CRACR2A: variants seen among roughly 807,000 people sequenced by gnomAD.
CRACR2A encodes the protein calcium release activated channel regulator 2A.
Under a neutral mutation model 90.5 loss-of-function variants are expected in CRACR2A, and 79 were observed. The observed-to-expected ratio is 0.87, with a 90% confidence interval of 0.73 to 1.05. The LOEUF (loss-of-function observed/expected upper bound fraction) is 1.05, where lower values mean the gene tolerates loss of function less well. Among genes scored for constraint, CRACR2A ranks in the 50% least tolerant of loss-of-function variants. The pLI, the probability that CRACR2A is intolerant of heterozygous loss-of-function variation, is 0.00. For synonymous variants in CRACR2A, 338 were observed against 356.7 expected, an observed-to-expected ratio of 0.95 and a Z score of 0.59; for missense variants, 823 against 897.2, an observed-to-expected ratio of 0.92 and a Z score of 1.06.
chr12:3,652,981 G>A (rs1944820843), intron 10 of CRACR2A, among the ~76,000 whole-genome samples: 1 of 152,036 alleles, frequency 6.6e-6, no homozygotes, highest in Non-Finnish European at 1.5e-5. Context: ...TGCTATACCA[G>A]GATAATTTTT....
chr12:3,657,388 C>T (rs1366179324), intron 8 of CRACR2A, among the ~76,000 whole-genome samples: 2 of 152,210 alleles, frequency 1.3e-5, no homozygotes, highest in East Asian at 1.9e-4. Flanking sequence ...AGGAGGACAG[C>T]GTGGGATGCT....
chr12:3,681,071 C>T (rs1945440482), intron 4 of CRACR2A, among the ~76,000 whole-genome samples: 1 of 148,354 alleles, frequency 6.7e-6, no homozygotes, highest in Non-Finnish European at 1.5e-5. Flanking sequence ...GGGTCACTTA[C>T]TTGAGGCCTC....
intron 15 of CRACR2A, 106 bp from the exon 16 acceptor site, chr12:3,627,812 T>A: frequency 8.4e-7 from 1 of 1,185,042 alleles, no homozygotes; most frequent in Non-Finnish European, 1.2e-6. Context: ...AGGCCCAAGG[T>A]GACAACCCTC....
At chr12:3,751,814 G>A (rs1490977583) in intron 1 of CRACR2A, among the ~76,000 whole-genome samples, 2 of 112,112 alleles carry the variant, frequency 1.8e-5, no homozygotes, top group Non-Finnish European at 3.9e-5. Context: ...GAACCGAGAG[G>A]TGACAGGACC....
rs1945991002 is a variant in CRACR2A at position 3,710,424 on chromosome 12, G to A, written c.-37+2813C>T. ...GCTGGAAGTCTGAGATCAGGTGCCA[G>A]CATGGTTGGGTTCTGGTGAGGGCCC... On this transcript the variant is annotated intron_variant, in intron 3 of 19. Transcript: ENST00000440314. 4.6e-5 allele frequency among the ~76,000 whole-genome samples: 7 copies of A among 152,274 alleles called. No individual in the cohort carries two copies. The South Asian group carries it at 1.5e-3, about 32-fold the overall frequency.
At chr12:3,735,076 TA>T (rs201859460) in intron 1 of CRACR2A, among the ~76,000 whole-genome samples, 12 of 133,570 alleles carry the variant, frequency 9.0e-5, no homozygotes, top group Admixed American at 5.7e-4. Flanking sequence ...ACTAACTTTA[TA>T]AAAAAAATTT....
intron 1 of CRACR2A, among the ~76,000 whole-genome samples, chr12:3,748,681 T>C (rs1159893503): frequency 6.6e-6 from 1 of 152,096 alleles, no homozygotes; most frequent in Admixed American, 6.6e-5. Flanking sequence ...TAACTCAGCC[T>C]TCAGAGAAAG....
chr12:3,693,462 A>ACTCCC (rs1945686284), intron 4 of CRACR2A, among the ~76,000 whole-genome samples: 1 of 152,212 alleles, frequency 6.6e-6, no homozygotes. Flanking sequence ...CTCCTGTGGG[A>ACTCCC]GTAAGTCGAG....
intron 14 of CRACR2A, 61 bp downstream of exon 14, chr12:3,638,063 C>T: frequency 1.4e-6 from 2 of 1,458,874 alleles, no homozygotes; most frequent in South Asian, 2.8e-5. Flanking sequence ...CGCTTGGCCT[C>T]AAATGCAAGA....
At chr12:3,744,355 C>T (rs1946576908) in intron 1 of CRACR2A, among the ~76,000 whole-genome samples, 1 of 152,206 alleles carries the variant, frequency 6.6e-6, no homozygotes, top group African/African-American at 2.4e-5. Context: ...ATAATACAAA[C>T]CCAGATCCGT....
chr12:3,632,127 G>A (rs927507903), intron 15 of CRACR2A, among the ~76,000 whole-genome samples: 1 of 152,060 alleles, frequency 6.6e-6, no homozygotes, highest in African/African-American at 2.4e-5. Flanking sequence ...ACGAGATCTG[G>A]TTGTTTAGAA....
intron 1 of CRACR2A, among the ~76,000 whole-genome samples, chr12:3,749,795 T>TTGTG (rs200387314): frequency 0.042 from 6,017 of 144,504 alleles, 138 homozygotes; most frequent in East Asian, 0.08. Flanking sequence ...TGCTGTTTCT[T>TTGTG]TGTGTGTGTG....
At chr12:3,693,667 T>G (rs141365337) in intron 4 of CRACR2A, among the ~76,000 whole-genome samples, 1 of 152,242 alleles carries the variant, frequency 6.6e-6, no homozygotes, top group Non-Finnish European at 1.5e-5. Context: ...GGGTTTCTAC[T>G]GAGAAGTCTG....
intron 18 of CRACR2A, among the ~76,000 whole-genome samples, chr12:3,618,485 A>T (rs1431120259): frequency 6.6e-6 from 1 of 152,188 alleles, no homozygotes; most frequent in Non-Finnish European, 1.5e-5. Context: ...GGAATTGTGG[A>T]CATGTAACTG....
At chr12:3,726,666 C>A (rs1339477335) in intron 2 of CRACR2A, 3 of 151,880 alleles carry the variant, frequency 2.0e-5, no homozygotes, top group Non-Finnish European at 4.4e-5. Context: ...AACAAGGAAG[C>A]ACAGGATCCT....
At chr12:3,725,558 A>C (rs117675562) in intron 2 of CRACR2A, among the ~76,000 whole-genome samples, 1 of 151,086 alleles carries the variant, frequency 6.6e-6, no homozygotes, top group Non-Finnish European at 1.5e-5. Flanking sequence ...ATCTGCAAAG[A>C]CTCTTTTTTC....
Position 3,627,435 on chromosome 12 carries a change from C to T in CRACR2A, c.1932+1G>A. ...TGCTCCTAGGAAGGTCGCCAGCTCACCTCCACGCTGCTCAGCCACCGCCGG... is the reference window on the plus strand; with the variant it reads ...TGCTCCTAGGAAGGTCGCCAGCTCATCTCCACGCTGCTCAGCCACCGCCGG... On this transcript the variant is annotated splice_donor_variant, in intron 17 of 19. Coordinates refer to ENST00000440314, the MANE Select transcript of CRACR2A (RefSeq NM_001144958.2). LOFTEE classifies it high-confidence loss of function. 1 of 1,551,496 alleles carries T rather than the reference C, an allele frequency of 6.4e-7. No individual in the cohort carries two copies. Among genetic ancestry groups the T allele is most frequent in the Non-Finnish European group, 8.7e-7 (1 of 1,146,750 alleles).
chr12:3,617,180 C>A, intron 18 of CRACR2A, 150 bp from the exon 19 acceptor site: 1 of 635,230 alleles, frequency 1.6e-6, no homozygotes, highest in Non-Finnish European at 2.8e-6. Context: ...CCACTCTGTA[C>A]ATGGCTGATT....
intron 11 of CRACR2A, chr12:3,648,082 A>C: frequency 1.0e-6 from 1 of 996,244 alleles, no homozygotes; most frequent in Non-Finnish European, 1.2e-6. Flanking sequence ...TTCTGGCCCC[A>C]TCAGAGAGTA....
Sources: gnomAD v4.1 joint callset for allele counts (sites outside exome capture counted in the v4.1 genomes callset) on GRCh38, gnomAD v4.1.1 for gene constraint, MANE v1.5 for transcripts, NCBI Gene and HGNC (gene_info 2026-07-23, HGNC 2026-07-21) for gene names.